HEATR4: variants seen among roughly 807,000 people sequenced by gnomAD.
HEATR4 encodes the protein HEAT repeat-containing protein 4.
A neutral mutation model predicts 108.8 loss-of-function variants in HEATR4; 95 were observed. The observed-to-expected ratio is 0.87, with a 90% CI of 0.74 to 1.04. HEATR4 has a LOEUF of 1.04. Ranked by LOEUF, HEATR4 falls within the 50% of genes least tolerant of loss-of-function variation. The pLI, the probability that HEATR4 is intolerant of heterozygous loss-of-function variation, is 0.00. For missense variants in HEATR4, 1,152 were observed against 1,253.8 expected (o/e 0.92, Z 1.23); for synonymous variants, 443 against 459.4 (o/e 0.96, Z 0.46).
intron 5 of HEATR4, among the ~76,000 whole-genome samples, chr14:73,518,072 C>T (rs909859802): frequency 7.2e-5 from 11 of 151,844 alleles, no homozygotes; most frequent in Non-Finnish European, 1.5e-4. Context: ...GGCGACAGAG[C>T]GAGACTTTAT....
At chr14:73,583,411 C>T in the HEATR4 span, among the ~76,000 whole-genome samples, 756 of 151,452 alleles carry the variant, frequency 5.0e-3, 10 homozygotes, top group African/African-American at 0.018. Flanking sequence ...TTACCCCAAC[C>T]AATCAATAAG....
At chr14:73,627,498 T>C in the HEATR4 span, among the ~76,000 whole-genome samples, 3 of 152,194 alleles carry the variant, frequency 2.0e-5, no homozygotes, top group Non-Finnish European at 4.4e-5. Flanking sequence ...TTTGATTTGC[T>C]GGAGTGACTC....
chr14:73,544,925 C>CAA lies in HEATR4; in HGVS notation c.-152+13824_-152+13825dup, dbSNP rs200124190. ...CCTGGGTGACAGCAGGATACTGTCT[C>CAA]AAAAAAAAAATAAAGAAAAAGAAAG... is the stretch of plus-strand genomic sequence containing the variant. On this transcript the variant is annotated intron_variant, in intron 1 of 17. Coordinates refer to ENST00000553558, the MANE Select transcript of HEATR4 (RefSeq NM_001220484.1). Among the ~76,000 whole-genome samples the CAA allele has an allele frequency of 7.7e-5, 7 of 90,616 alleles. 2 individuals carry two copies. Among genetic ancestry groups the CAA allele is most frequent in the African/African-American group, 2.5e-4 (7 of 27,884 alleles). 59.4% of individuals were successfully genotyped at this position (90,616 alleles called of 152,430 possible).
chr14:73,555,086 T>A (rs1365389673), intron 1 of HEATR4, among the ~76,000 whole-genome samples: 1 of 113,022 alleles, frequency 8.8e-6, no homozygotes, highest in African/African-American at 2.8e-5. Flanking sequence ...AATGTAAAAA[T>A]TTATTTAAAG....
Position 73,478,708 on chromosome 14 carries a change from A to G in HEATR4, c.2979T>C (p.Phe993=), listed in dbSNP as rs140675778. The change falls in exon 18 of 18, where the codon TTT becomes TTC. Residue 993 remains phenylalanine, a synonymous_variant. Transcript: ENST00000553558. ...GATAAAGAGCTGGGTAGTCGGATCT[A>G]AATGGTCCCACAGCAATCCTTTTCT... The part of the protein sequence containing the change: ...SPEKRIAVGP[F]RSDYPALYLG... The G allele has an allele frequency of 2.5e-6, 4 of 1,613,868 alleles. No individual in the cohort carries two copies. In the African/African-American group the frequency reaches 5.3e-5, roughly 22 times the overall value.
chr14:73,524,310 A>AAAAAAATATATATATAT, intron 2 of HEATR4, among the ~76,000 whole-genome samples: 2 of 54,774 alleles, frequency 3.7e-5, no homozygotes, highest in African/African-American at 1.8e-4. Flanking sequence ...AAAAAAAAAA[A>AAAAAAATATATATATAT]ATATATATAT....
intron 10 of HEATR4, among the ~76,000 whole-genome samples, chr14:73,505,439 C>A (rs1333640644): frequency 6.6e-6 from 1 of 151,926 alleles, no homozygotes; most frequent in Non-Finnish European, 1.5e-5. Flanking sequence ...CACTGTCGCC[C>A]AGGCTGGAGT....
chr14:73,534,109 G>A lies in HEATR4; in HGVS notation c.-151-3865C>T, dbSNP rs1194311094. On this transcript the variant is annotated intron_variant, in intron 1 of 17. Coordinates refer to ENST00000553558, the MANE Select transcript of HEATR4 (RefSeq NM_001220484.1). Reference sequence around the variant, plus strand: ...AAAAATAAGAGTTAAGGCCAGACACGGTGGCTCATGCCTCTAGTCCCAGCA... The same window carrying A: ...AAAAATAAGAGTTAAGGCCAGACACAGTGGCTCATGCCTCTAGTCCCAGCA... Among the ~76,000 whole-genome samples the A allele has an allele frequency of 5.5e-5, 6 of 109,338 alleles. 2 individuals carry two copies. The highest frequency in any genetic ancestry group is 1.8e-4 in the African/African-American group (6 of 33,436). The allele number at this position is 109,338 out of a possible 152,430, so 71.7% of individuals were successfully genotyped here.
At chr14:73,604,916 A>T in the HEATR4 span, among the ~76,000 whole-genome samples, 3 of 152,158 alleles carry the variant, frequency 2.0e-5, no homozygotes, top group Non-Finnish European at 2.9e-5. Context: ...TTTGAGAGGG[A>T]TCTATCCACT....
the HEATR4 span, among the ~76,000 whole-genome samples, chr14:73,625,515 C>T: frequency 2.6e-5 from 4 of 152,098 alleles, no homozygotes; most frequent in Admixed American, 6.6e-5. Context: ...GTGCATGCCA[C>T]CATGCTCAGC....
the HEATR4 span, among the ~76,000 whole-genome samples, chr14:73,599,844 G>A: frequency 6.6e-6 from 1 of 152,164 alleles, no homozygotes; most frequent in Non-Finnish European, 1.5e-5. Context: ...GGCAAATACA[G>A]TCTGCCTTCT....
chr14:73,608,027 C>A, the HEATR4 span, among the ~76,000 whole-genome samples: 399 of 152,110 alleles, frequency 2.6e-3, 3 homozygotes, highest in African/African-American at 8.6e-3. Flanking sequence ...TGGGTTCAAG[C>A]GATTCGCCTG....
Position 73,478,814 on chromosome 14 carries a change from C to T in HEATR4, c.2873G>A (p.Trp958Ter), listed in dbSNP as rs1397670034. The change falls in exon 18 of 18, where the codon TGG becomes TAG. Residue 958 changes from tryptophan (W) to a stop codon, truncating the protein, a stop_gained. Coordinates refer to ENST00000553558, the MANE Select transcript of HEATR4 (RefSeq NM_001220484.1). LOFTEE classifies it low-confidence loss of function (END_TRUNC). ...KPVKPRAPNPWLQSSVPGLTT... is the reference protein window; with the variant it reads ...KPVKPRAPNP ...TAGGCCTGGGACTGAACTTTGTAAC[C>T]AGGGATTTGGTGCGCGGGGCTTCAC... 4 of 1,609,928 alleles carry T rather than the reference C, an allele frequency of 2.5e-6. No individual in the cohort carries two copies. The highest frequency in any genetic ancestry group is 3.4e-6 in the Non-Finnish European group (4 of 1,177,912).
intron 17 of HEATR4, among the ~76,000 whole-genome samples, chr14:73,489,697 G>A (rs967235405): frequency 2.0e-5 from 3 of 152,204 alleles, no homozygotes; most frequent in Non-Finnish European, 2.9e-5. Flanking sequence ...TGTTAAATTA[G>A]AAGCCGATTT....
At position 73,512,059 on chromosome 14, in the gene HEATR4, C is replaced by T. The variant is rs1274358945; in HGVS notation, c.1505G>A (p.Cys502Tyr). The change falls in exon 7 of 18, where the codon TGT becomes TAT. Residue 502 changes from cysteine (C) to tyrosine (Y), a missense_variant. Physicochemically the swap from Cys to Tyr is radical, Grantham distance 194. Coordinates refer to ENST00000553558, the MANE Select transcript of HEATR4 (RefSeq NM_001220484.1). The part of the protein sequence containing the change: ...DDVRIKAITT[C>Y]ATAALERPRI... The stretch of plus-strand genomic sequence containing the variant: ...GGGCCGTTCCAAAGCAGCTGTGGCA[C>T]ATGTGGTGATAGCTTTGATCCGAAC... 6.2e-7 allele frequency: 1 copy of T among 1,613,992 alleles called. No individual in the cohort carries two copies. The highest frequency in any genetic ancestry group is 8.5e-7 in the Non-Finnish European group (1 of 1,180,022).
chr14:73,522,940 A>T lies in HEATR4; in HGVS notation c.213T>A (p.Leu71=). The T allele has an allele frequency of 1.2e-6, 2 of 1,614,190 alleles. No individual in the cohort carries two copies. The highest frequency in any genetic ancestry group is 1.7e-6 in the Non-Finnish European group (2 of 1,180,032). Residue 71 remains leucine, a synonymous_variant, in exon 3 of 18, where the codon CTT becomes CTA. Transcript: ENST00000553558. ...GCCACACCACCTCCTGAGAGAAGGTAAGGTTTGCAGCAGCCATTTTCAAAT... is the reference window on the plus strand; with the variant it reads ...GCCACACCACCTCCTGAGAGAAGGTTAGGTTTGCAGCAGCCATTTTCAAAT... ...SQYLKMAAAN[L]TFSQEVVWQR...
chr14:73,564,404 G>A, the HEATR4 span, among the ~76,000 whole-genome samples: 5 of 151,736 alleles, frequency 3.3e-5, no homozygotes, highest in Non-Finnish European at 7.4e-5. Context: ...AAGCCCAGGA[G>A]TTCGAGACCA....
chr14:73,493,882 C>T (rs1885948365), intron 16 of HEATR4, among the ~76,000 whole-genome samples: 1 of 152,142 alleles, frequency 6.6e-6, no homozygotes, highest in South Asian at 2.1e-4. Context: ...TGATTGGGAC[C>T]AGTTCACTAA....
chr14:73,595,030 C>T, the HEATR4 span: 4 of 1,611,362 alleles, frequency 2.5e-6, no homozygotes, highest in African/African-American at 1.3e-5. Context: ...CTCAACTCTC[C>T]TCTCTTCTTT....
Sources: gnomAD v4.1 joint callset for allele counts (sites outside exome capture counted in the v4.1 genomes callset) on GRCh38, gnomAD v4.1.1 for gene constraint, MANE v1.5 for transcripts, NCBI Gene and HGNC (gene_info 2026-07-23, HGNC 2026-07-21) for gene names.